The following PPP1R13L variants were observed in gnomAD, a reference collection of about 807,000 sequenced individuals.
PPP1R13L encodes the protein protein phosphatase 1 regulatory subunit 13 like, also known as relA-associated inhibitor.
Under a neutral mutation model 80.9 loss-of-function variants are expected in PPP1R13L, and 50 were observed. The ratio of observed to expected loss-of-function variants is 0.62; its 90% CI spans 0.49 to 0.78. The LOEUF (loss-of-function observed/expected upper bound fraction) is 0.78. Ranked by LOEUF, PPP1R13L falls within the 30% of genes least tolerant of loss-of-function variation. PPP1R13L has a pLI of 0.00. For missense variants in PPP1R13L, 1,200 were observed against 1,205.9 expected (o/e 1.00, Z 0.07); for synonymous variants, 602 against 534.3 (o/e 1.13, Z -1.75).
intron 8 of PPP1R13L, among the ~76,000 whole-genome samples, chr19:45,387,616 G>A (rs1295397324): frequency 1.3e-5 from 2 of 152,030 alleles, no homozygotes; most frequent in Admixed American, 6.6e-5. Context: ...GTGCAGTGGT[G>A]CGATCTCAGC....
At position 45,383,983 on chromosome 19, in the gene PPP1R13L, T is replaced by C. The variant is rs912266099; in HGVS notation, c.2249-1257A>G. Among the ~76,000 whole-genome samples, 4 of 151,956 alleles carry C rather than the reference T, an allele frequency of 2.6e-5. No homozygotes were observed. The South Asian group carries it at 8.3e-4, about 32-fold the overall frequency. On this transcript the variant is annotated intron_variant, in intron 11 of 12. Transcript: ENST00000360957. ...TTTCACCGTGTTGCCCAGGCTGGTT[T>C]GGAAATCCTGAGCTCATGCAATCCG...
At chr19:45,381,614 C>A (rs1437833811) in intron 12 of PPP1R13L, among the ~76,000 whole-genome samples, 8 of 152,084 alleles carry the variant, frequency 5.3e-5, no homozygotes, top group Admixed American at 3.9e-4. Context: ...CTGGCGAGCA[C>A]CCTACATCCT....
At chr19:45,402,735 G>T (rs918409240) in intron 1 of PPP1R13L, among the ~76,000 whole-genome samples, 3 of 152,138 alleles carry the variant, frequency 2.0e-5, no homozygotes, top group African/African-American at 7.2e-5. Flanking sequence ...CTCTAGCTCC[G>T]AGCTCTCCCG....
chr19:45,386,210 T>G, intron 8 of PPP1R13L, 30 bp from the exon 9 acceptor site: 1 of 1,479,494 alleles, frequency 6.8e-7, no homozygotes, highest in South Asian at 1.4e-5. Flanking sequence ...GGTCAGCGAC[T>G]TGGAGGGATT....
rs558665152 is a variant in PPP1R13L, at chr19:45,397,174, C to A, written c.199-116G>T. On this transcript the variant is annotated intron_variant, in intron 3 of 12. Transcript: ENST00000360957. ...GGAGGTCAACCCAGAGGAGGCTGAC[C>A]GGCCATGGAAATTCAGGCACAGAGA... 4 of 860,328 alleles carry A rather than the reference C, an allele frequency of 4.6e-6. No individual in the cohort carries two copies. In the South Asian group the frequency reaches 1.7e-4, roughly 36 times the overall value. The allele number at this position is 860,328 out of a possible 1,614,324, so 53.3% of individuals were successfully genotyped here. A position where few individuals can be genotyped will look rare whatever the true frequency, so the allele number is the denominator to read the frequency against.
chr19:45,403,847 G>A (rs543177902), intron 1 of PPP1R13L, among the ~76,000 whole-genome samples: 4 of 152,144 alleles, frequency 2.6e-5, no homozygotes, highest in South Asian at 4.2e-4. Flanking sequence ...GGACGCATGG[G>A]GGTGGAGAGA....
chr19:45,403,224 A>T (rs959678957), intron 1 of PPP1R13L, among the ~76,000 whole-genome samples: 1 of 152,218 alleles, frequency 6.6e-6, no homozygotes, highest in African/African-American at 2.4e-5. Context: ...CAGGATTCAT[A>T]ATTACCAGAT....
intron 1 of PPP1R13L, among the ~76,000 whole-genome samples, chr19:45,402,638 G>A (rs1287535739): frequency 1.3e-5 from 2 of 152,196 alleles, no homozygotes; most frequent in Non-Finnish European, 2.9e-5. Flanking sequence ...AGGGCGGGGC[G>A]CGGGGGTGGC....
intron 8 of PPP1R13L, among the ~76,000 whole-genome samples, chr19:45,390,262 C>T (rs918818301): frequency 6.6e-6 from 1 of 152,052 alleles, no homozygotes; most frequent in Non-Finnish European, 1.5e-5. Context: ...TGTTGTCCTT[C>T]CCAGCTTCTC....
At chr19:45,391,803 T>C in intron 8 of PPP1R13L, 77 bp downstream of exon 8, 7 of 1,182,726 alleles carry the variant, frequency 5.9e-6, no homozygotes, top group Non-Finnish European at 7.9e-6. Flanking sequence ...TCTAAGCCAC[T>C]ATATTTGGGG....
chr19:45,395,468 TGCTGGGGG>T lies in PPP1R13L; in HGVS notation c.1314_1321del (p.Pro439SerfsTer22). On this transcript the variant is annotated frameshift_variant, in exon 7 of 13. Transcript: ENST00000360957. LOFTEE classifies it high-confidence loss of function. ...CACAGGGGGCCATGTCTGTTGGGGA[TGCTGGGGG>T]GCTGGGGTAGGGGTTTGGGGTTGGG... is the stretch of plus-strand genomic sequence containing the variant. 4.2e-6 allele frequency: 4 copies of T among 956,686 alleles called. No individual in the cohort carries two copies. Among genetic ancestry groups the T allele is most frequent in the Non-Finnish European group, 5.7e-6 (4 of 696,192 alleles). The allele number at this position is 956,686 out of a possible 1,614,324, so 59.3% of individuals were successfully genotyped here.
Position 45,396,008 on chromosome 19 carries a change from G to A in PPP1R13L, c.904-122C>T. ...CCCTGGGAGTGAGGGAGAAGAAAGGGTGAGGAAGGAGCAGAAACCCAGCAC... is the reference window on the plus strand; with the variant it reads ...CCCTGGGAGTGAGGGAGAAGAAAGGATGAGGAAGGAGCAGAAACCCAGCAC... On this transcript the variant is annotated intron_variant, in intron 6 of 12. Transcript: ENST00000360957. The surrounding 1 kb of genome is among the most constrained non-coding windows in gnomAD (Gnocchi z 5.3). 1 of 1,275,360 alleles carries A rather than the reference G, an allele frequency of 7.8e-7. No individual in the cohort carries two copies. Among genetic ancestry groups the A allele is most frequent in the Non-Finnish European group, 1.1e-6 (1 of 926,686 alleles). 79.0% of individuals were successfully genotyped at this position (1,275,360 alleles called of 1,614,324 possible).
At chr19:45,384,380 A>AAAAAAAAAAAAAAAAAAAAAAAAG in intron 11 of PPP1R13L, among the ~76,000 whole-genome samples, 1 of 147,684 alleles carries the variant, frequency 6.8e-6, no homozygotes, top group African/African-American at 2.6e-5. Flanking sequence ...AAAAAAAAAA[A>AAAAAAAAAAAAAAAAAAAAAAAAG]AAAAAGTTAG....
rs965637045 is a variant in PPP1R13L, at chr19:45,396,081, C to G, written c.903+87G>C. On this transcript the variant is annotated intron_variant, in intron 6 of 12. Transcript: ENST00000360957. The surrounding 1 kb of genome is among the most constrained non-coding windows in gnomAD (Gnocchi z 5.3). ...GGGCGCCGAGACCCAGATCGCAGCC[C>G]CGAGGGGGAGACTGGCCTTGACCCC... 45 of 1,460,846 alleles carry G rather than the reference C, an allele frequency of 3.1e-5. No individual in the cohort carries two copies. The Admixed American group carries it at 3.8e-4, about 12-fold the overall frequency. The allele number at this position is 1,460,846 out of a possible 1,614,324, so 90.5% of individuals were successfully genotyped here.
chr19:45,397,906 T>C (rs1973145173), intron 3 of PPP1R13L, 99 bp downstream of exon 3: 6 of 1,462,300 alleles, frequency 4.1e-6, no homozygotes, highest in Non-Finnish European at 4.6e-6. Flanking sequence ...GCCCACAACC[T>C]GCATAACTAT....
At chr19:45,402,572 G>A (rs571575415) in intron 1 of PPP1R13L, among the ~76,000 whole-genome samples, 1 of 152,208 alleles carries the variant, frequency 6.6e-6, no homozygotes, top group Non-Finnish European at 1.5e-5. Flanking sequence ...ATGCGCAGCG[G>A]GCCCGGGCAG....
At chr19:45,382,410 C>T (rs1972780162) in intron 12 of PPP1R13L, 117 bp downstream of exon 12, 2 of 1,232,778 alleles carry the variant, frequency 1.6e-6, no homozygotes, top group Middle Eastern at 2.9e-4. Flanking sequence ...GCTTTTCAGA[C>T]CTCCCTCTCC....
chr19:45,405,834 CG>C (rs1973336545), upstream of PPP1R13L, among the ~76,000 whole-genome samples: 1 of 152,190 alleles, frequency 6.6e-6, no homozygotes, highest in Admixed American at 6.5e-5. Context: ...CCGCCCAACG[CG>C]GGGCGGCCCC....
At chr19:45,382,841 G>A in intron 11 of PPP1R13L, 115 bp from the exon 12 acceptor site, 1 of 920,552 alleles carries the variant, frequency 1.1e-6, no homozygotes, top group Non-Finnish European at 1.7e-6. Context: ...GCAACCACCT[G>A]AAATGTTGTG....
Sources: allele counts gnomAD v4.1 joint callset (sites outside exome capture counted in the v4.1 genomes callset), GRCh38; gene constraint gnomAD v4.1.1; non-coding constraint Gnocchi (gnomAD v3.1); transcripts MANE v1.5; gene names NCBI Gene and HGNC (gene_info 2026-07-23, HGNC 2026-07-21).